The following PGCKA1 variants were observed in gnomAD, a reference collection of about 807,000 sequenced individuals.
The protein encoded by PGCKA1 is PDCD10 and GCKIII kinases-associated protein 1.
At chr4:37,570,010 C>T in the PGCKA1 span, among the ~76,000 whole-genome samples, 1 of 130,748 alleles carries the variant, frequency 7.6e-6, no homozygotes, top group Non-Finnish European at 1.6e-5. Flanking sequence ...GACGGAGTCT[C>T]GCTCTGTCGC....
At chr4:37,500,370 T>C in the PGCKA1 span, among the ~76,000 whole-genome samples, 1,835 of 152,344 alleles carry the variant, frequency 0.012, 36 homozygotes, top group African/African-American at 0.042. Flanking sequence ...TTAGTTTCAT[T>C]ACTTACCCAA....
At chr4:37,591,516 C>T in the PGCKA1 span, 2 of 152,648 alleles carry the variant, frequency 1.3e-5, no homozygotes, top group Non-Finnish European at 2.9e-5. Context: ...GGACAATCAC[C>T]CAGGGAACTA....
the PGCKA1 span, among the ~76,000 whole-genome samples, chr4:37,514,256 C>T: frequency 2.6e-5 from 4 of 152,176 alleles, no homozygotes; most frequent in East Asian, 5.8e-4. Context: ...CCTACCCATA[C>T]GATGGAGCAC....
At chr4:37,489,501 A>G in the PGCKA1 span, among the ~76,000 whole-genome samples, 3 of 152,188 alleles carry the variant, frequency 2.0e-5, no homozygotes, top group South Asian at 6.2e-4. Context: ...AATTACACAT[A>G]CAATAATATA....
the PGCKA1 span, among the ~76,000 whole-genome samples, chr4:37,515,887 T>C: frequency 6.6e-6 from 1 of 152,236 alleles, no homozygotes; most frequent in Non-Finnish European, 1.5e-5. Context: ...CTCAGATGAG[T>C]TCATTTTATA....
At chr4:37,515,409 C>T in the PGCKA1 span, among the ~76,000 whole-genome samples, 1 of 152,150 alleles carries the variant, frequency 6.6e-6, no homozygotes, top group Admixed American at 6.5e-5. Flanking sequence ...CCCAAGTTTT[C>T]AGGGAAGAGA....
chr4:37,573,540 T>C, the PGCKA1 span, among the ~76,000 whole-genome samples: 1 of 149,556 alleles, frequency 6.7e-6, no homozygotes, highest in East Asian at 2.0e-4. Flanking sequence ...GTGTGTAGAT[T>C]TCCACAAAAC....
chr4:37,557,112 A>T, the PGCKA1 span, among the ~76,000 whole-genome samples: 1 of 152,238 alleles, frequency 6.6e-6, no homozygotes, highest in Admixed American at 6.5e-5. Flanking sequence ...GTAGTAAATT[A>T]TTCTAATAAT....
At chr4:37,485,069 A>G in the PGCKA1 span, among the ~76,000 whole-genome samples, 8 of 152,218 alleles carry the variant, frequency 5.3e-5, no homozygotes, top group African/African-American at 1.4e-4. Context: ...ACTAGCCCCA[A>G]AGTGATTGGA....
the PGCKA1 span, among the ~76,000 whole-genome samples, chr4:37,512,908 G>GA: frequency 6.6e-6 from 1 of 151,952 alleles, no homozygotes; most frequent in Non-Finnish European, 1.5e-5. Flanking sequence ...AACCAACATG[G>GA]AAAAACCCCA....
At chr4:37,589,939 C>A in the PGCKA1 span, 1 of 733,734 alleles carries the variant, frequency 1.4e-6, no homozygotes. Context: ...TTTATACCAA[C>A]TATATCTATT....
At chr4:37,470,272 A>G in the PGCKA1 span, among the ~76,000 whole-genome samples, 1 of 152,224 alleles carries the variant, frequency 6.6e-6, no homozygotes, top group South Asian at 2.1e-4. Context: ...ATCAACTGAG[A>G]CTGTTTTCCT....
At chr4:37,574,171 G>C in the PGCKA1 span, among the ~76,000 whole-genome samples, 183 of 150,136 alleles carry the variant, frequency 1.2e-3, 1 homozygote, top group African/African-American at 4.3e-3. Flanking sequence ...CTGGGTGACA[G>C]AGCAAGACTC....
At chr4:37,460,555 T>C in the PGCKA1 span, 8 of 453,686 alleles carry the variant, frequency 1.8e-5, no homozygotes, top group Middle Eastern at 3.3e-4. Flanking sequence ...TGGAATCTCA[T>C]TGTGGTTTTG....
the PGCKA1 span, among the ~76,000 whole-genome samples, chr4:37,483,735 C>T: frequency 2.0e-5 from 3 of 152,158 alleles, no homozygotes; most frequent in South Asian, 6.2e-4. Context: ...CAGCATTTCA[C>T]CTTGAAGCAG....
the PGCKA1 span, among the ~76,000 whole-genome samples, chr4:37,483,713 A>C: frequency 6.6e-6 from 1 of 152,174 alleles, no homozygotes; most frequent in Non-Finnish European, 1.5e-5. Flanking sequence ...TTTTTTCCTA[A>C]TGATATGAAA....
At chr4:37,544,815 T>C in the PGCKA1 span, among the ~76,000 whole-genome samples, 6,069 of 152,052 alleles carry the variant, frequency 0.04, 150 homozygotes, top group Non-Finnish European at 0.061. Flanking sequence ...CAAGTGCTTT[T>C]TGTTGGTTGC....
chr4:37,527,903 C>T, the PGCKA1 span, among the ~76,000 whole-genome samples: 1 of 152,004 alleles, frequency 6.6e-6, no homozygotes, highest in Admixed American at 6.5e-5. Flanking sequence ...AGATGTGTAT[C>T]CTAGGGGCAA....
the PGCKA1 span, among the ~76,000 whole-genome samples, chr4:37,526,482 C>T: frequency 1.3e-3 from 191 of 151,868 alleles, 2 homozygotes; most frequent in Non-Finnish European, 2.1e-3. Flanking sequence ...TAGATTTTCT[C>T]ATATCAATTC....
Sources: allele counts gnomAD v4.1 joint callset (sites outside exome capture counted in the v4.1 genomes callset), GRCh38; gene constraint gnomAD v4.1.1; transcripts MANE v1.5; gene names NCBI Gene and HGNC (gene_info 2026-07-23, HGNC 2026-07-21).